TCF4: variants seen among roughly 807,000 people sequenced by gnomAD.
TCF4 encodes transcription factor 4, also known as SL3-3 enhancer factor 2.
TCF4 carries 3 observed loss-of-function variants against 82.1 expected under a neutral mutation model. The observed-to-expected ratio is 0.04, with a 90% confidence interval of 0.02 to 0.09. TCF4 has a LOEUF of 0.09. Among genes scored for constraint, TCF4 ranks in the 10% least tolerant of loss-of-function variants. The pLI is 1.00. For missense variants in TCF4, 518 were observed against 852.7 expected, an observed-to-expected ratio of 0.61 and a Z score of 4.89; for synonymous variants, 276 against 309.6, an observed-to-expected ratio of 0.89 and a Z score of 1.14.
intron 5 of TCF4, among the ~76,000 whole-genome samples, chr18:55,410,218 T>G (rs1266785840): frequency 2.0e-5 from 3 of 152,194 alleles, no homozygotes; most frequent in Middle Eastern, 3.2e-3. Context: ...GATGTTCTTT[T>G]AGTCCTAAAA....
intron 2 of TCF4, among the ~76,000 whole-genome samples, chr18:55,612,067 G>A (rs752411226): frequency 2.0e-5 from 3 of 152,102 alleles, no homozygotes; most frequent in East Asian, 1.9e-4. Context: ...CACTGCACCC[G>A]GCCAATGTAC....
rs118023140 is a variant in TCF4 at position 55,312,015 on chromosome 18, T to C, written c.550-32359A>G. 2.6e-3 allele frequency among the ~76,000 whole-genome samples: 395 copies of C among 152,320 alleles called. 3 individuals carry two copies. The highest frequency in any genetic ancestry group is 4.7e-3 in the Non-Finnish European group (321 of 68,022). ...GATTGAGTTACACAGGTAAAAAGCC[T>C]AGGACTGGCCAAAGAGTTTAATCTA... On this transcript the variant is annotated intron_variant, in intron 8 of 19. Transcript: ENST00000354452.
intron 9 of TCF4, among the ~76,000 whole-genome samples, chr18:55,276,904 C>A (rs1028849887): frequency 6.6e-6 from 1 of 152,124 alleles, no homozygotes; most frequent in Non-Finnish European, 1.5e-5. Context: ...AATTTTGTAA[C>A]TGGACTCATT....
intron 10 of TCF4, among the ~76,000 whole-genome samples, 195 bp downstream of exon 10, chr18:55,275,424 G>C (rs543723754): frequency 6.6e-6 from 1 of 152,224 alleles, no homozygotes; most frequent in Admixed American, 6.5e-5. Flanking sequence ...ATGCCAGAGA[G>C]AATCTGGAAG....
chr18:55,409,148 G>T (rs2094230093), intron 5 of TCF4, among the ~76,000 whole-genome samples: 1 of 152,126 alleles, frequency 6.6e-6, no homozygotes, highest in South Asian at 2.1e-4. Flanking sequence ...AAGATGTACA[G>T]AAGAGTAAAA....
At chr18:55,245,694 T>C (rs1381609436) in intron 15 of TCF4, among the ~76,000 whole-genome samples, 1 of 152,222 alleles carries the variant, frequency 6.6e-6, no homozygotes, top group Non-Finnish European at 1.5e-5. Context: ...TGAAACGCCT[T>C]TTCTATCCTG....
intron 3 of TCF4, among the ~76,000 whole-genome samples, 191 bp downstream of exon 3, chr18:55,585,089 G>C (rs1051829180): frequency 2.0e-5 from 3 of 151,984 alleles, no homozygotes; most frequent in African/African-American, 4.8e-5. Flanking sequence ...TAAAAAAAAA[G>C]ACCTAATTTT....
intron 15 of TCF4, among the ~76,000 whole-genome samples, chr18:55,239,389 TA>T (rs1268406812): frequency 2.0e-5 from 3 of 152,168 alleles, no homozygotes; most frequent in African/African-American, 7.2e-5. Flanking sequence ...GTTGGAGATC[TA>T]AAACAGATTT....
At chr18:55,417,356 A>G (rs2094559399) in intron 5 of TCF4, among the ~76,000 whole-genome samples, 1 of 152,212 alleles carries the variant, frequency 6.6e-6, no homozygotes, top group South Asian at 2.1e-4. Flanking sequence ...GACAAATGCT[A>G]TGTAAGCCCT....
At chr18:55,401,341 G>C in intron 6 of TCF4, 4 of 1,150,202 alleles carry the variant, frequency 3.5e-6, no homozygotes, top group Non-Finnish European at 4.3e-6. Flanking sequence ...CACAGAGATA[G>C]TAGACTCTTG....
At chr18:55,293,297 T>G (rs570007885) in intron 8 of TCF4, among the ~76,000 whole-genome samples, 1 of 152,268 alleles carries the variant, frequency 6.6e-6, no homozygotes, top group South Asian at 2.1e-4. Flanking sequence ...TGTTATCAGT[T>G]GCTACATGGA....
intron 5 of TCF4, chr18:55,423,421 GC>G (rs2094850831): frequency 8.5e-6 from 1 of 118,232 alleles, no homozygotes; most frequent in Non-Finnish European, 1.7e-5. Context: ...AGGCACACGC[GC>G]GCGCGCACAC....
At chr18:55,522,571 A>G (rs2096941760) in intron 3 of TCF4, among the ~76,000 whole-genome samples, 1 of 152,182 alleles carries the variant, frequency 6.6e-6, no homozygotes. Flanking sequence ...TAAGAAAACT[A>G]AAAATGCATT....
chr18:55,505,793 G>C (rs1344486813), intron 3 of TCF4, among the ~76,000 whole-genome samples: 2 of 109,914 alleles, frequency 1.8e-5, no homozygotes, highest in African/African-American at 7.4e-5. Flanking sequence ...CACAGAGCGA[G>C]ACTCCGTCTC....
intron 10 of TCF4, among the ~76,000 whole-genome samples, chr18:55,275,224 C>T (rs1473923034): frequency 7.0e-6 from 1 of 142,382 alleles, no homozygotes; most frequent in Admixed American, 7.3e-5. Flanking sequence ...TGCATATAAT[C>T]TACCGACTGT....
intron 9 of TCF4, among the ~76,000 whole-genome samples, chr18:55,277,776 T>A (rs1298367960): frequency 6.6e-6 from 1 of 152,146 alleles, no homozygotes; most frequent in African/African-American, 2.4e-5. Flanking sequence ...AAAAAATATA[T>A]CCTTCCGTCA....
intron 15 of TCF4, among the ~76,000 whole-genome samples, chr18:55,238,957 C>T (rs1339462213): frequency 3.3e-5 from 5 of 152,124 alleles, no homozygotes; most frequent in African/African-American, 4.8e-5. Context: ...GAGCTACAAA[C>T]GAGGAAGGGG....
chr18:55,455,797 C>T (rs529462087), intron 5 of TCF4, among the ~76,000 whole-genome samples: 4 of 152,282 alleles, frequency 2.6e-5, no homozygotes, highest in Admixed American at 2.6e-4. Context: ...AAATATCTAA[C>T]CATGAAGTCA....
upstream of TCF4, among the ~76,000 whole-genome samples, chr18:55,590,823 AC>A (rs1247178359): frequency 2.8e-4 from 42 of 152,214 alleles, no homozygotes; most frequent in Non-Finnish European, 1.2e-4. Context: ...CCTAAGAATA[AC>A]CCTATGGAGT....
Sources: gnomAD v4.1 joint callset for allele counts (sites outside exome capture counted in the v4.1 genomes callset) on GRCh38, gnomAD v4.1.1 for gene constraint, MANE v1.5 for transcripts, NCBI Gene and HGNC (gene_info 2026-07-23, HGNC 2026-07-21) for gene names.